ZNF138: variants seen among roughly 807,000 people sequenced by gnomAD.
The protein encoded by ZNF138 is zinc finger protein 138.
ZNF138 carries 33 observed loss-of-function variants against 33.0 expected under a neutral mutation model. That is an observed-to-expected ratio of 1.00 (90% CI 0.76 to 1.34). The LOEUF is 1.34. ZNF138 is among the 40% of genes most tolerant of loss of function. The pLI, the probability that ZNF138 is intolerant of heterozygous loss-of-function variation, is 0.00. For synonymous variants in ZNF138, 139 were observed against 120.4 expected (o/e 1.15, Z -1.01); for missense variants, 360 against 370.8 (o/e 0.97, Z 0.24).
At chr7:64,824,417 T>C (rs34344248) in intron 3 of ZNF138, among the ~76,000 whole-genome samples, 58,793 of 152,026 alleles carry the variant, frequency 0.39, 12,350 homozygotes, top group Non-Finnish European at 0.48. Flanking sequence ...CAAATAAACC[T>C]TTTTTCTTTA....
chr7:64,826,161 G>A (rs73126387), intron 3 of ZNF138, among the ~76,000 whole-genome samples: 42,985 of 152,016 alleles, frequency 0.28, 6,843 homozygotes, highest in Non-Finnish European at 0.35. Context: ...ATTGTTTAAA[G>A]AAAGGAAATT....
intron 2 of ZNF138, 48 bp downstream of exon 2, chr7:64,815,092 A>ATTTTT: frequency 2.5e-6 from 3 of 1,221,992 alleles, no homozygotes; most frequent in Non-Finnish European, 3.2e-6. Context: ...TAAAGGTTTC[A>ATTTTT]TTTTTTTTTT....
chr7:64,801,336 T>A (rs946819265), intron 1 of ZNF138, among the ~76,000 whole-genome samples: 1 of 152,208 alleles, frequency 6.6e-6, no homozygotes, highest in Non-Finnish European at 1.5e-5. Flanking sequence ...GCATTAGCTG[T>A]GTTGCAGAGA....
the ZNF138 span, among the ~76,000 whole-genome samples, chr7:64,842,660 C>G: frequency 6.6e-6 from 1 of 152,122 alleles, no homozygotes; most frequent in African/African-American, 2.4e-5. Context: ...CCCAGAGTGG[C>G]CAGTCATAAG....
intron 3 of ZNF138, chr7:64,831,152 A>G: frequency 5.3e-6 from 8 of 1,508,794 alleles, no homozygotes; most frequent in Non-Finnish European, 7.1e-6. Context: ...GCACTATGTT[A>G]TATCGGGGAA....
At chr7:64,853,398 C>T in the ZNF138 span, 4 of 1,152,558 alleles carry the variant, frequency 3.5e-6, no homozygotes, top group South Asian at 1.5e-5. Flanking sequence ...CCCTCCCTTC[C>T]CTCTGCGAGT....
At position 64,808,869 on chromosome 7, in the gene ZNF138, C is replaced by T. The variant is rs1443584559; in HGVS notation, c.4-6049C>T. 6.5e-5 allele frequency among the ~76,000 whole-genome samples: 9 copies of T among 137,748 alleles called. No homozygotes were observed. In the East Asian group the frequency reaches 1.2e-3, roughly 19 times the overall value. The allele number at this position is 137,748 out of a possible 152,430, so 90.4% of individuals were successfully genotyped here. On this transcript the variant is annotated intron_variant, in intron 1 of 3. Transcript: ENST00000307355. ...TAATCCATTTAACCCTGAGTGGACA[C>T]AGCACATGTTTCAGAGAGCACAGGG...
chr7:64,806,029 GCTTT>G (rs1202653247), intron 1 of ZNF138, among the ~76,000 whole-genome samples: 1 of 152,196 alleles, frequency 6.6e-6, no homozygotes, highest in Non-Finnish European at 1.5e-5. Context: ...TAATAAAACA[GCTTT>G]CTTTCTGTTC....
chr7:64,809,760 T>G (rs1195970706), intron 1 of ZNF138, among the ~76,000 whole-genome samples: 1 of 132,984 alleles, frequency 7.5e-6, no homozygotes, highest in Admixed American at 7.4e-5. Flanking sequence ...CGGGCAGAGA[T>G]GCTCCTCACC....
chr7:64,852,912 C>A, the ZNF138 span: 1 of 1,125,338 alleles, frequency 8.9e-7, no homozygotes, highest in Admixed American at 1.7e-5. Flanking sequence ...TCAGCTGCGT[C>A]TTTAAAACCT....
chr7:64,801,235 T>C (rs1583776931), intron 1 of ZNF138, among the ~76,000 whole-genome samples: 1 of 152,304 alleles, frequency 6.6e-6, no homozygotes, highest in East Asian at 1.9e-4. Context: ...GCTTCTCTCC[T>C]TATTTTATTC....
At chr7:64,849,635 G>A in the ZNF138 span, among the ~76,000 whole-genome samples, 2 of 152,034 alleles carry the variant, frequency 1.3e-5, no homozygotes, top group South Asian at 2.1e-4. Context: ...TGGGAAGTGG[G>A]GGTGTGGTTC....
At position 64,794,459 on chromosome 7, in the gene ZNF138, C is replaced by T. The variant is rs1021512238; in HGVS notation, c.-110C>T. Reference sequence around the variant, plus strand: ...CTGCAGCGGGTGCTGCAGGTCTGGCCTTCACTTTTCTGCGTCCTCTTACTC... The same window carrying T: ...CTGCAGCGGGTGCTGCAGGTCTGGCTTTCACTTTTCTGCGTCCTCTTACTC... On this transcript the variant is annotated 5_prime_UTR_variant, in exon 1 of 4. Coordinates refer to ENST00000307355, the MANE Select transcript of ZNF138 (RefSeq NM_001271639.2). 5.9e-6 allele frequency: 9 copies of T among 1,537,600 alleles called. No individual in the cohort carries two copies. Among genetic ancestry groups the T allele is most frequent in the African/African-American group, 1.4e-5 (1 of 72,852 alleles).
At chr7:64,847,332 A>ATTTTTT in the ZNF138 span, among the ~76,000 whole-genome samples, 348 of 128,112 alleles carry the variant, frequency 2.7e-3, 4 homozygotes, top group Admixed American at 0.014. Flanking sequence ...ATATATATAT[A>ATTTTTT]TTTTTTTTTT....
chr7:64,853,088 G>T, the ZNF138 span: 2 of 1,407,032 alleles, frequency 1.4e-6, no homozygotes, highest in East Asian at 2.3e-5. Context: ...GTCTACAATT[G>T]GGTAAATGTA....
intron 3 of ZNF138, among the ~76,000 whole-genome samples, chr7:64,816,964 C>G (rs1040485241): frequency 6.6e-6 from 1 of 152,152 alleles, no homozygotes; most frequent in Non-Finnish European, 1.5e-5. Context: ...TTGTAATTCC[C>G]ATTTTATTTT....
At chr7:64,826,286 A>G (rs1267510335) in intron 3 of ZNF138, among the ~76,000 whole-genome samples, 2 of 150,972 alleles carry the variant, frequency 1.3e-5, no homozygotes, top group Non-Finnish European at 3.0e-5. Flanking sequence ...TTATTTGTTT[A>G]TTTATTTATT....
At position 64,828,182 on chromosome 7, in the gene ZNF138, G is replaced by T. The variant is rs368827252; in HGVS notation, c.209-3269G>T. ...TAATTTAAAAACTATCATAATTCTG[G>T]TTTTTTTTTAGGTATTGTTTATTTT... On this transcript the variant is annotated intron_variant, in intron 3 of 3. Transcript: ENST00000307355. 1.7e-4 allele frequency among the ~76,000 whole-genome samples: 26 copies of T among 151,048 alleles called. 1 individual carries two copies. In the East Asian group the frequency reaches 3.7e-3, roughly 21 times the overall value.
chr7:64,802,876 T>C (rs35992336), intron 1 of ZNF138, among the ~76,000 whole-genome samples: 13,972 of 151,728 alleles, frequency 0.092, 796 homozygotes, highest in East Asian at 0.26. Context: ...CACAAATGCA[T>C]ATCTGATTGT....
Sources: allele counts gnomAD v4.1 joint callset (sites outside exome capture counted in the v4.1 genomes callset), GRCh38; gene constraint gnomAD v4.1.1; transcripts MANE v1.5; gene names NCBI Gene and HGNC (gene_info 2026-07-23, HGNC 2026-07-21).